Variants in HDAC4 observed in about 807,000 individuals in gnomAD.
HDAC4 encodes the protein histone deacetylase 4.
HDAC4 carries 16 observed loss-of-function variants against 135.1 expected under a neutral mutation model. The observed-to-expected ratio is 0.12, with a 90% CI of 0.08 to 0.18. HDAC4 has a LOEUF of 0.18. Among genes scored for constraint, HDAC4 ranks in the 10% least tolerant of loss-of-function variants. HDAC4 has a pLI of 1.00. For synonymous variants in HDAC4, 685 were observed against 653.4 expected (o/e 1.05, Z -0.74); for missense variants, 1,143 against 1,511.8 (o/e 0.76, Z 4.05).
intron 2 of HDAC4, chr2:239,298,368 G>A (rs2052039562): frequency 1.7e-6 from 2 of 1,188,370 alleles, no homozygotes; most frequent in Non-Finnish European, 2.1e-6. Context: ...CACACAGTAG[G>A]GATCCGGAAT....
At chr2:239,225,120 T>G (rs1408313733) in intron 3 of HDAC4, among the ~76,000 whole-genome samples, 3 of 152,232 alleles carry the variant, frequency 2.0e-5, no homozygotes, top group South Asian at 4.1e-4. Flanking sequence ...ATATTTCATT[T>G]TTTCAAATAA....
chr2:239,252,583 C>A (rs1432305131), intron 2 of HDAC4, among the ~76,000 whole-genome samples: 1 of 152,018 alleles, frequency 6.6e-6, no homozygotes, highest in African/African-American at 2.4e-5. Flanking sequence ...GCTGTTGCCT[C>A]CAAGAGCTCT....
chr2:239,117,792 C>T (rs571573427), intron 12 of HDAC4, among the ~76,000 whole-genome samples: 3 of 152,078 alleles, frequency 2.0e-5, no homozygotes, highest in Non-Finnish European at 4.4e-5. Flanking sequence ...ATTCGAGGGA[C>T]GGTGGGACAA....
intron 15 of HDAC4, among the ~76,000 whole-genome samples, chr2:239,107,022 TG>T (rs149335488): frequency 0.069 from 10,569 of 152,234 alleles, 1,255 homozygotes; most frequent in African/African-American, 0.24. Context: ...CCCTGCACAG[TG>T]TTGCCAGCCC....
chr2:239,157,138 T>C (rs1226826426), intron 6 of HDAC4, among the ~76,000 whole-genome samples: 1 of 151,996 alleles, frequency 6.6e-6, no homozygotes, highest in Non-Finnish European at 1.5e-5. Context: ...CTATCCCCGG[T>C]GGGGAGAGGA....
At position 239,400,611 on chromosome 2, in the gene HDAC4, C is replaced by G. The variant is rs1696914134; in HGVS notation, c.-220+367G>C. On this transcript the variant is annotated intron_variant, in intron 1 of 26. Coordinates refer to ENST00000543185, the MANE Select transcript of HDAC4 (RefSeq NM_001378414.1). The surrounding 1 kb of genome is among the most constrained non-coding windows in gnomAD (Gnocchi z 4.7). ...ACCGGCGGCGTCCACCTGCCGCGGG[C>G]TCCAAGGCCTGCAGGCTGCGCGGGG... 1 of 146,334 alleles carries G rather than the reference C, an allele frequency of 6.8e-6. No homozygotes were observed. Among genetic ancestry groups the G allele is most frequent in the Admixed American group, 6.8e-5 (1 of 14,708 alleles). 9.1% of individuals were successfully genotyped at this position (146,334 alleles called of 1,614,324 possible). A position where few individuals can be genotyped will look rare whatever the true frequency, so the allele number is the denominator to read the frequency against.
At chr2:239,075,993 C>T (rs2034714299) in intron 22 of HDAC4, among the ~76,000 whole-genome samples, 2 of 149,988 alleles carry the variant, frequency 1.3e-5, no homozygotes, top group Non-Finnish European at 3.0e-5. Flanking sequence ...CAGAGCTGGG[C>T]TGGGATAGCA....
At chr2:239,250,482 C>G (rs908992318) in intron 2 of HDAC4, among the ~76,000 whole-genome samples, 1 of 140,630 alleles carries the variant, frequency 7.1e-6, no homozygotes, top group Non-Finnish European at 1.6e-5. Flanking sequence ...GCTCCACGTG[C>G]CTTCCTGCCA....
chr2:239,367,494 G>A (rs1559387962), intron 1 of HDAC4, among the ~76,000 whole-genome samples: 1 of 152,140 alleles, frequency 6.6e-6, no homozygotes, highest in Non-Finnish European at 1.5e-5. Context: ...TACAGGTTGA[G>A]CATCCCTAAT....
chr2:239,100,782 G>A (rs930519985), intron 16 of HDAC4, among the ~76,000 whole-genome samples: 5 of 152,158 alleles, frequency 3.3e-5, no homozygotes, highest in African/African-American at 1.2e-4. Flanking sequence ...GTAAAGGTCA[G>A]CATGCTGGCA....
intron 5 of HDAC4, among the ~76,000 whole-genome samples, chr2:239,168,180 G>A (rs1359362243): frequency 1.3e-5 from 2 of 152,180 alleles, no homozygotes; most frequent in Non-Finnish European, 2.9e-5. Context: ...AGCCTTTCAC[G>A]TCATTTTTAC....
chr2:239,267,744 C>G (rs1575569797), intron 2 of HDAC4, among the ~76,000 whole-genome samples: 1 of 152,272 alleles, frequency 6.6e-6, no homozygotes, highest in Admixed American at 6.5e-5. Flanking sequence ...ACGAAGAGCT[C>G]TGCCCTGGGG....
intron 3 of HDAC4, among the ~76,000 whole-genome samples, chr2:239,209,284 GA>G (rs530190941): frequency 2.6e-4 from 40 of 152,332 alleles, no homozygotes; most frequent in African/African-American, 8.4e-4. Context: ...TCTCCAAACG[GA>G]ACTACAGGTC....
chr2:239,102,689 G>A, intron 16 of HDAC4, 87 bp downstream of exon 16: 2 of 1,495,622 alleles, frequency 1.3e-6, no homozygotes, highest in Admixed American at 1.7e-5. Context: ...ACCCACAGGT[G>A]CCCCAGACAC....
rs2041800756 is a variant in HDAC4 at position 239,146,873 on chromosome 2, A to C, written c.734-2159T>G. Among the ~76,000 whole-genome samples, 2 of 148,582 alleles carry C rather than the reference A, an allele frequency of 1.3e-5. No homozygotes were observed. Among genetic ancestry groups the C allele is most frequent in the Non-Finnish European group, 3.0e-5 (2 of 67,278 alleles). On this transcript the variant is annotated intron_variant, in intron 7 of 26. Transcript: ENST00000543185. The surrounding 1 kb of genome is among the most constrained non-coding windows in gnomAD (Gnocchi z 4.5). The stretch of plus-strand genomic sequence containing the variant: ...AATTCTTCTGTCCCCTCACCTGTTT[A>C]CCCCCTGCCTCCCAGCCTGCACACC...
chr2:239,324,017 C>T (rs1328508252), intron 2 of HDAC4, among the ~76,000 whole-genome samples: 6 of 152,162 alleles, frequency 3.9e-5, no homozygotes, highest in Non-Finnish European at 5.9e-5. Context: ...ACATGCGCTA[C>T]GGTATGCACT....
chr2:239,144,007 C>A (rs918952489), intron 8 of HDAC4, among the ~76,000 whole-genome samples: 2 of 152,072 alleles, frequency 1.3e-5, no homozygotes, highest in Non-Finnish European at 2.9e-5. Context: ...TCAAGAGGGG[C>A]GGGTGAGCCT....
chr2:239,076,764 C>T (rs1156816845), intron 22 of HDAC4, among the ~76,000 whole-genome samples: 3 of 152,180 alleles, frequency 2.0e-5, no homozygotes, highest in Non-Finnish European at 4.4e-5. Context: ...GGTGGAGATG[C>T]TCCCAACCAC....
intron 2 of HDAC4, among the ~76,000 whole-genome samples, chr2:239,328,048 C>T (rs911954305): frequency 6.6e-6 from 1 of 152,250 alleles, no homozygotes; most frequent in African/African-American, 2.4e-5. Flanking sequence ...TGGTCCCCGC[C>T]CTGAGCAATG....
Sources: allele counts gnomAD v4.1 joint callset (sites outside exome capture counted in the v4.1 genomes callset), GRCh38; gene constraint gnomAD v4.1.1; non-coding constraint Gnocchi (gnomAD v3.1); transcripts MANE v1.5; gene names NCBI Gene and HGNC (gene_info 2026-07-23, HGNC 2026-07-21).